MAN2A1: variants seen among roughly 807,000 people sequenced by gnomAD.
MAN2A1 encodes mannosidase alpha class 2A member 1.
A neutral mutation model predicts 142.6 loss-of-function variants in MAN2A1; 76 were observed. The ratio of observed to expected loss-of-function variants is 0.53; its 90% CI spans 0.44 to 0.65. MAN2A1 has a LOEUF of 0.65. MAN2A1 is among the 30% of genes least tolerant of loss of function. The pLI is 0.00. For synonymous variants in MAN2A1, 559 were observed against 473.2 expected (o/e 1.18, Z -2.35); for missense variants, 1,311 against 1,365.1 (o/e 0.96, Z 0.62).
In MAN2A1 at chr5:109,847,808, G is replaced by T; in HGVS notation, c.2976+18G>T. Reference sequence around the variant, plus strand: ...TTAATACGGTATGAAAAAATAACTAGCATGATCTGATATTGATTGTTCTTT... The same window carrying T: ...TTAATACGGTATGAAAAAATAACTATCATGATCTGATATTGATTGTTCTTT... On this transcript the variant is annotated intron_variant, in intron 19 of 21. Coordinates refer to ENST00000261483, the MANE Select transcript of MAN2A1 (RefSeq NM_002372.4). 1 of 1,495,110 alleles carries T rather than the reference G, an allele frequency of 6.7e-7. No individual in the cohort carries two copies. Among genetic ancestry groups the T allele is most frequent in the Non-Finnish European group, 8.9e-7 (1 of 1,118,146 alleles). The allele number at this position is 1,495,110 out of a possible 1,614,324, so 92.6% of individuals were successfully genotyped here. A position where few individuals can be genotyped will look rare whatever the true frequency, so the allele number is the denominator to read the frequency against.
At chr5:109,840,306 G>T (rs1755167269) in intron 16 of MAN2A1, 2 of 313,516 alleles carry the variant, frequency 6.4e-6, no homozygotes, top group South Asian at 3.3e-5. Context: ...TTCACTAATT[G>T]ACATTTTATA....
chr5:109,749,999 C>T (rs1017143923), intron 4 of MAN2A1, among the ~76,000 whole-genome samples: 6 of 151,830 alleles, frequency 4.0e-5, no homozygotes, highest in Non-Finnish European at 7.4e-5. Context: ...AAGTATGGTC[C>T]TTTTTTAGGT....
chr5:109,857,796 C>T (rs1009427530), intron 20 of MAN2A1, among the ~76,000 whole-genome samples: 3 of 152,220 alleles, frequency 2.0e-5, no homozygotes, highest in African/African-American at 7.2e-5. Flanking sequence ...AGGTCCTCTG[C>T]AGCCTGGCCT....
intron 12 of MAN2A1, 56 bp from the exon 13 acceptor site, chr5:109,817,217 T>C (rs535532398): frequency 6.8e-7 from 1 of 1,464,292 alleles, no homozygotes; most frequent in East Asian, 2.3e-5. Context: ...TGTATATGTA[T>C]ATGTAAGAAG....
Position 109,784,823 on chromosome 5 carries a change from T to C in MAN2A1, c.1657T>C (p.Tyr553His), listed in dbSNP as rs753042035. 2 of 1,612,836 alleles carry C rather than the reference T, an allele frequency of 1.2e-6. No individual in the cohort carries two copies. The highest frequency in any genetic ancestry group is 2.2e-5 in the East Asian group (1 of 44,814). ...KINKFLSSSL[Y>H]TALTEARRNL... ...AAATAAATTTCTCTCATCATCACTT[T>C]ACACGGCACTGACAGAAGCCAGAAG... is the stretch of plus-strand genomic sequence containing the variant. Residue 553 changes from tyrosine to histidine, a missense_variant, in exon 10 of 22, where the codon TAC becomes CAC. Coordinates refer to ENST00000261483, the MANE Select transcript of MAN2A1 (RefSeq NM_002372.4).
chr5:109,729,395 A>G lies in MAN2A1; in HGVS notation c.589A>G (p.Asn197Asp), dbSNP rs1751835883. ...TAGAGACAAGACTCAGTATATTTTTAATAACATGGTCCTAAAGCTGAAAGA... is the reference window on the plus strand; with the variant it reads ...TAGAGACAAGACTCAGTATATTTTTGATAACATGGTCCTAAAGCTGAAAGA... ...YFRDKTQYIF[N>D]NMVLKLKEDS... is the part of the protein sequence containing the mutation. The change falls in exon 4 of 22, where the codon AAT becomes GAT. Residue 197 changes from asparagine to aspartate, a missense_variant. By Grantham distance (23) the Asn-to-Asp change is conservative. Coordinates refer to ENST00000261483, the MANE Select transcript of MAN2A1 (RefSeq NM_002372.4). The G allele has an allele frequency of 6.2e-7, 1 of 1,605,674 alleles. No individual in the cohort carries two copies. The highest frequency in any genetic ancestry group is 8.5e-7 in the Non-Finnish European group (1 of 1,176,570).
At chr5:109,701,289 T>C (rs966333211) in intron 1 of MAN2A1, among the ~76,000 whole-genome samples, 4 of 152,170 alleles carry the variant, frequency 2.6e-5, no homozygotes, top group Non-Finnish European at 5.9e-5. Flanking sequence ...GACGATACTT[T>C]GAAGGGAGAA....
Position 109,867,677 on chromosome 5 carries a change from G to A in MAN2A1, c.*679G>A, listed in dbSNP as rs1755920964. 1 of 152,390 alleles carries A rather than the reference G, an allele frequency of 6.6e-6. No individual in the cohort carries two copies. Among genetic ancestry groups the A allele is most frequent in the Non-Finnish European group, 1.5e-5 (1 of 67,984 alleles). The allele number at this position is 152,390 out of a possible 1,614,324, so 9.4% of individuals were successfully genotyped here. ...TTTCATTACTTGACAATGTGGGATGGGTGCAATTTATTCCATCTTCACTAA... is the reference window on the plus strand; with the variant it reads ...TTTCATTACTTGACAATGTGGGATGAGTGCAATTTATTCCATCTTCACTAA... On this transcript the variant is annotated 3_prime_UTR_variant, in exon 22 of 22. Transcript: ENST00000261483.
At chr5:109,796,665 T>C (rs1753870828) in intron 12 of MAN2A1, among the ~76,000 whole-genome samples, 1 of 152,204 alleles carries the variant, frequency 6.6e-6, no homozygotes, top group Non-Finnish European at 1.5e-5. Context: ...GCAAGAATAC[T>C]GTGATATTCT....
chr5:109,818,715 C>G (rs1204296487), intron 13 of MAN2A1, among the ~76,000 whole-genome samples: 2 of 152,128 alleles, frequency 1.3e-5, no homozygotes, highest in South Asian at 2.1e-4. Context: ...ATTTCCTTCT[C>G]TAGGCATTCT....
At chr5:109,785,554 A>G (rs989596348) in intron 10 of MAN2A1, among the ~76,000 whole-genome samples, 3 of 152,080 alleles carry the variant, frequency 2.0e-5, no homozygotes, top group Admixed American at 1.3e-4. Flanking sequence ...AGTTATTTCT[A>G]TATTAAAGAC....
intron 3 of MAN2A1, among the ~76,000 whole-genome samples, chr5:109,727,275 T>G (rs929253842): frequency 8.5e-5 from 13 of 152,144 alleles, no homozygotes; most frequent in Non-Finnish European, 1.6e-4. Flanking sequence ...TTGGCAGGGT[T>G]GATTTCTTTT....
chr5:109,818,440 AT>A (rs1362587494), intron 13 of MAN2A1, among the ~76,000 whole-genome samples: 5 of 152,128 alleles, frequency 3.3e-5, no homozygotes, highest in Non-Finnish European at 7.3e-5. Flanking sequence ...TATAATAAAA[AT>A]TTTGGTCAGA....
intron 10 of MAN2A1, among the ~76,000 whole-genome samples, chr5:109,788,639 A>G (rs1753659022): frequency 6.6e-6 from 1 of 151,766 alleles, no homozygotes; most frequent in Non-Finnish European, 1.5e-5. Context: ...GGGTGATCCT[A>G]CTGGATATTA....
At chr5:109,707,198 C>T (rs572602526) in intron 1 of MAN2A1, among the ~76,000 whole-genome samples, 1 of 152,320 alleles carries the variant, frequency 6.6e-6, no homozygotes, top group African/African-American at 2.4e-5. Context: ...CCCATGAAAA[C>T]CACCCTATTA....
chr5:109,817,371 A>G lies in MAN2A1; in HGVS notation c.2042A>G (p.Lys681Arg). The change falls in exon 13 of 22, where the codon AAA (lysine) becomes AGA (arginine). Residue 681 changes from lysine to arginine, a missense_variant. Lys to Arg is a conservative substitution (Grantham distance 26, BLOSUM62 2). This residue lies in a region of MAN2A1 where 890 missense variants were observed against 920.5 expected (regional missense o/e 0.97). Coordinates refer to ENST00000261483, the MANE Select transcript of MAN2A1 (RefSeq NM_002372.4). ...GTGCAAGTGTTCTCTGCTTCAGGAA[A>G]ACCTGTGGAAGTTCAAGTCAGCGCA... Reference protein sequence around the residue: ...PTVQVFSASGKPVEVQVSAVW... With the variant: ...PTVQVFSASGRPVEVQVSAVW... The G allele has an allele frequency of 6.2e-7, 1 of 1,614,146 alleles. No homozygotes were observed. Among genetic ancestry groups the G allele is most frequent in the East Asian group, 2.2e-5 (1 of 44,882 alleles).
At chr5:109,731,352 G>A (rs1751902032) in intron 4 of MAN2A1, among the ~76,000 whole-genome samples, 1 of 135,612 alleles carries the variant, frequency 7.4e-6, no homozygotes, top group South Asian at 2.1e-4. Context: ...AGGAAAGCGT[G>A]TTTCTTTTTT....
At chr5:109,734,286 A>T (rs1582837957) in intron 4 of MAN2A1, among the ~76,000 whole-genome samples, 2 of 139,946 alleles carry the variant, frequency 1.4e-5, no homozygotes, top group African/African-American at 2.6e-5. Context: ...GCGGTCTATC[A>T]ATTTTGTTGA....
chr5:109,755,583 C>G (rs1752667632), intron 5 of MAN2A1, 127 bp downstream of exon 5: 5 of 705,686 alleles, frequency 7.1e-6, no homozygotes, highest in Non-Finnish European at 1.1e-5. Flanking sequence ...ATAATTTATT[C>G]TTCATTAATT....
Sources: gnomAD v4.1 joint callset for allele counts (sites outside exome capture counted in the v4.1 genomes callset) on GRCh38, gnomAD v4.1.1 for gene constraint, gnomAD v4.1.1 regional missense constraint, MANE v1.5 for transcripts, NCBI Gene and HGNC (gene_info 2026-07-23, HGNC 2026-07-21) for gene names.